The following WASF3 variants were observed in gnomAD, a reference collection of about 807,000 sequenced individuals.
WASF3 encodes the protein actin-binding protein WASF3.
A neutral mutation model predicts 46.6 loss-of-function variants in WASF3; 11 were observed. The observed-to-expected ratio is 0.24, with a 90% CI of 0.15 to 0.39. The LOEUF is 0.39. WASF3 is among the 10% of genes least tolerant of loss of function. WASF3 has a pLI of 1.00. For synonymous variants in WASF3, 242 were observed against 259.7 expected, an observed-to-expected ratio of 0.93 and a Z score of 0.65; for missense variants, 576 against 669.8, an observed-to-expected ratio of 0.86 and a Z score of 1.55.
At chr13:26,558,409 G>A (rs909441788) in intron 1 of WASF3, among the ~76,000 whole-genome samples, 1 of 148,406 alleles carries the variant, frequency 6.7e-6, no homozygotes, top group Middle Eastern at 3.2e-3. Flanking sequence ...CGGCCTCGGA[G>A]ACCAGGCCGG....
chr13:26,682,596 ATC>A lies in WASF3; in HGVS notation c.984-4_984-3del, dbSNP rs754632147. 59 of 1,613,872 alleles carry A rather than the reference ATC, an allele frequency of 3.7e-5. No homozygotes were observed. Among genetic ancestry groups the A allele is most frequent in the Non-Finnish European group, 4.6e-5 (54 of 1,179,992 alleles). ...TTCCCTTGGTGACTATGTGCCTCAT[ATC>A]TCTCTCAGGATGCTCCCAGCGCAGA... is the stretch of plus-strand genomic sequence containing the variant. On this transcript the variant is annotated splice_polypyrimidine_tract_variant and intron_variant, in intron 8 of 9. Coordinates refer to ENST00000335327, the MANE Select transcript of WASF3 (RefSeq NM_006646.6). This position sits in a 1 kb window ranked among gnomAD's most constrained non-coding sequence, Gnocchi z 4.4.
At chr13:26,594,034 G>T (rs1320316770) in intron 1 of WASF3, among the ~76,000 whole-genome samples, 1 of 152,172 alleles carries the variant, frequency 6.6e-6, no homozygotes, top group Non-Finnish European at 1.5e-5. Context: ...ACTAGAAGAA[G>T]AATTAGTTAC....
At chr13:26,601,438 T>C (rs548993525) in intron 1 of WASF3, among the ~76,000 whole-genome samples, 1 of 152,324 alleles carries the variant, frequency 6.6e-6, no homozygotes, top group Non-Finnish European at 1.5e-5. Flanking sequence ...GCCTTTGGGC[T>C]CTTCTAGACT....
chr13:26,643,813 C>G (rs1180525020), intron 3 of WASF3, among the ~76,000 whole-genome samples: 1 of 152,156 alleles, frequency 6.6e-6, no homozygotes, highest in Non-Finnish European at 1.5e-5. Flanking sequence ...ATGGTGTTTG[C>G]TTGGCCACAG....
chr13:26,593,135 G>A (rs971997221), intron 1 of WASF3, among the ~76,000 whole-genome samples: 8 of 152,104 alleles, frequency 5.3e-5, no homozygotes, highest in African/African-American at 1.4e-4. Context: ...GAGTGGGGGC[G>A]TTGTACTGTA....
chr13:26,588,202 A>T (rs936486450), intron 1 of WASF3, among the ~76,000 whole-genome samples: 3 of 152,246 alleles, frequency 2.0e-5, no homozygotes, highest in African/African-American at 7.2e-5. Context: ...AGGTTAGGAA[A>T]AACAAGAATA....
intron 6 of WASF3, among the ~76,000 whole-genome samples, chr13:26,672,529 CAT>C (rs1180670160): frequency 6.6e-6 from 1 of 152,132 alleles, no homozygotes; most frequent in African/African-American, 2.4e-5. Flanking sequence ...TATCTGCATG[CAT>C]TACAAGCAGT....
chr13:26,625,228 TA>T (rs2099644305), intron 2 of WASF3, among the ~76,000 whole-genome samples: 1 of 152,120 alleles, frequency 6.6e-6, no homozygotes, highest in African/African-American at 2.4e-5. Context: ...CTGTTTATAT[TA>T]GGGGGTCTCC....
intron 2 of WASF3, among the ~76,000 whole-genome samples, chr13:26,623,859 A>G (rs1661717723): frequency 6.6e-6 from 1 of 151,942 alleles, no homozygotes. Flanking sequence ...AACACTGAAA[A>G]AAGTCTAGCA....
chr13:26,556,623 G>C (rs1879103260), upstream of WASF3, among the ~76,000 whole-genome samples: 1 of 152,174 alleles, frequency 6.6e-6, no homozygotes, highest in African/African-American at 2.4e-5. Flanking sequence ...TATGAAGAGG[G>C]CTGCATGATT....
intron 1 of WASF3, among the ~76,000 whole-genome samples, chr13:26,575,429 C>T (rs1039281941): frequency 2.0e-5 from 3 of 152,234 alleles, no homozygotes; most frequent in African/African-American, 7.2e-5. Context: ...TTAGTCATCC[C>T]TTGTTTAGAT....
At position 26,592,198 on chromosome 13, in the gene WASF3, A is replaced by C. The variant is rs9551299; in HGVS notation, c.-108-20763A>C. On this transcript the variant is annotated intron_variant, in intron 1 of 9. Coordinates refer to ENST00000335327, the MANE Select transcript of WASF3 (RefSeq NM_006646.6). Reference sequence around the variant, plus strand: ...TAATCTCTAATAATAAAATATTTCAACCTGACAGCTGACTTTTTAAGAAGC... The same window carrying C: ...TAATCTCTAATAATAAAATATTTCACCCTGACAGCTGACTTTTTAAGAAGC... 9.5e-4 allele frequency among the ~76,000 whole-genome samples: 145 copies of C among 152,058 alleles called. 1 individual carries two copies. The highest frequency in any genetic ancestry group is 3.4e-3 in the African/African-American group (141 of 41,462).
At chr13:26,597,694 C>T (rs1365523737) in intron 1 of WASF3, among the ~76,000 whole-genome samples, 1 of 152,128 alleles carries the variant, frequency 6.6e-6, no homozygotes, top group Non-Finnish European at 1.5e-5. Flanking sequence ...CAATTCCCAC[C>T]TATGAGTGAG....
chr13:26,607,637 T>C, intron 1 of WASF3, among the ~76,000 whole-genome samples: 1 of 151,456 alleles, frequency 6.6e-6, no homozygotes, highest in East Asian at 1.9e-4. Context: ...GTTTTTTGTT[T>C]TGTTTTTTTT....
At chr13:26,671,366 T>A (rs1273331281) in intron 5 of WASF3, among the ~76,000 whole-genome samples, 3 of 152,224 alleles carry the variant, frequency 2.0e-5, no homozygotes, top group Non-Finnish European at 4.4e-5. Flanking sequence ...TGATGCCCCA[T>A]AAACATTTTG....
chr13:26,541,192 C>A, the WASF3 span, among the ~76,000 whole-genome samples: 1 of 152,122 alleles, frequency 6.6e-6, no homozygotes, highest in South Asian at 2.1e-4. Context: ...AGGCAGAGAT[C>A]CAACTGAGGG....
chr13:26,565,901 C>T (rs1879450300), intron 1 of WASF3, among the ~76,000 whole-genome samples: 1 of 152,126 alleles, frequency 6.6e-6, no homozygotes, highest in Admixed American at 6.5e-5. Context: ...AAACTTCTTC[C>T]ATTTCTGACA....
At chr13:26,662,227 T>C (rs1189377982) in intron 3 of WASF3, among the ~76,000 whole-genome samples, 2 of 152,236 alleles carry the variant, frequency 1.3e-5, no homozygotes, top group Non-Finnish European at 2.9e-5. Flanking sequence ...GTTCAGCCAC[T>C]GTGGAAAGGA....
intron 1 of WASF3, among the ~76,000 whole-genome samples, chr13:26,573,790 C>T (rs1028179088): frequency 1.1e-4 from 16 of 152,164 alleles, no homozygotes; most frequent in African/African-American, 3.9e-4. Context: ...AGACCATTCC[C>T]AGAACTTCAG....
Sources: allele counts gnomAD v4.1 joint callset (sites outside exome capture counted in the v4.1 genomes callset), GRCh38; gene constraint gnomAD v4.1.1; non-coding constraint Gnocchi (gnomAD v3.1); transcripts MANE v1.5; gene names NCBI Gene and HGNC (gene_info 2026-07-23, HGNC 2026-07-21).